Variants in CAST observed in about 807,000 individuals in gnomAD.
CAST encodes the protein MIR583 host.
CAST carries 76 observed loss-of-function variants against 119.6 expected under a neutral mutation model. The ratio of observed to expected loss-of-function variants is 0.64; its 90% confidence interval spans 0.53 to 0.77. CAST has a LOEUF of 0.77. Among genes scored for constraint, CAST ranks in the 30% least tolerant of loss-of-function variants. The probability of loss-of-function intolerance (pLI) is 0.00; values close to 1 mark genes in which losing one functional copy is unlikely to be tolerated. For synonymous variants in CAST, 319 were observed against 331.6 expected (o/e 0.96, Z 0.41); for missense variants, 953 against 946.5 (o/e 1.01, Z -0.09).
chr5:96,621,546 C>G (rs1377151396), intron 1 of CAST, among the ~76,000 whole-genome samples: 1 of 152,178 alleles, frequency 6.6e-6, no homozygotes, highest in Non-Finnish European at 1.5e-5. Flanking sequence ...GAAGGAGAAA[C>G]TGTCAGGCAC....
chr5:96,654,776 G>C (rs1301294669), intron 1 of CAST, among the ~76,000 whole-genome samples: 1 of 152,318 alleles, frequency 6.6e-6, no homozygotes, highest in South Asian at 2.1e-4. Context: ...GAGCACACAA[G>C]AAGAGAACAA....
At chr5:96,762,209 G>A (rs1401794862) in intron 24 of CAST, 65 bp from the exon 25 acceptor site, 20 of 960,240 alleles carry the variant, frequency 2.1e-5, no homozygotes, top group Non-Finnish European at 3.0e-5. Context: ...TTATAGTTAA[G>A]TGATGGCATT....
chr5:96,672,883 G>T (rs1750285386), intron 1 of CAST, among the ~76,000 whole-genome samples: 1 of 152,020 alleles, frequency 6.6e-6, no homozygotes, highest in South Asian at 2.1e-4. Flanking sequence ...AATGCTTATA[G>T]TACATAATTT....
chr5:96,408,587 T>C, the CAST span, among the ~76,000 whole-genome samples: 1 of 152,230 alleles, frequency 6.6e-6, no homozygotes, highest in African/African-American at 2.4e-5. Context: ...AATATTTTCT[T>C]TTCTGAGATT....
chr5:96,483,886 C>T, the CAST span, among the ~76,000 whole-genome samples: 2 of 152,154 alleles, frequency 1.3e-5, no homozygotes, highest in Non-Finnish European at 2.9e-5. Context: ...TGAGTCAAGA[C>T]TCACACCCTA....
chr5:96,471,010 C>T, the CAST span, among the ~76,000 whole-genome samples: 1 of 152,078 alleles, frequency 6.6e-6, no homozygotes, highest in Non-Finnish European at 1.5e-5. Flanking sequence ...GCTTTGAGGT[C>T]ATGGAGATAG....
chr5:96,124,520 G>A, the CAST span, among the ~76,000 whole-genome samples: 1 of 151,784 alleles, frequency 6.6e-6, no homozygotes, highest in African/African-American at 2.4e-5. Context: ...CAACTATATG[G>A]TTGACTCAGA....
the CAST span, among the ~76,000 whole-genome samples, chr5:96,186,752 C>T: frequency 6.6e-6 from 1 of 152,224 alleles, no homozygotes; most frequent in African/African-American, 2.4e-5. Flanking sequence ...TTTGGTTTGC[C>T]AGTATTCGTT....
intron 3 of CAST, among the ~76,000 whole-genome samples, chr5:96,706,414 A>G (rs1264447843): frequency 1.3e-5 from 2 of 152,230 alleles, no homozygotes; most frequent in African/African-American, 4.8e-5. Context: ...AAAAAGTGTT[A>G]AATGGCAGTG....
At chr5:96,580,347 A>T (rs1352917702) in intron 1 of CAST, among the ~76,000 whole-genome samples, 1 of 152,252 alleles carries the variant, frequency 6.6e-6, no homozygotes, top group Non-Finnish European at 1.5e-5. Context: ...GCATTTAGGG[A>T]CAAAATGTTC....
At chr5:96,385,127 C>G in the CAST span, among the ~76,000 whole-genome samples, 1 of 152,110 alleles carries the variant, frequency 6.6e-6, no homozygotes, top group Non-Finnish European at 1.5e-5. Flanking sequence ...TCTTAGCATC[C>G]CTGGGGATGA....
At chr5:96,749,528 GTTC>G (rs1457088487) in intron 19 of CAST, among the ~76,000 whole-genome samples, 3 of 152,000 alleles carry the variant, frequency 2.0e-5, no homozygotes, top group African/African-American at 7.2e-5. Flanking sequence ...GTTTGCTTCT[GTTC>G]TTTTTGTTTG....
At chr5:96,179,880 C>G in the CAST span, among the ~76,000 whole-genome samples, 1 of 151,880 alleles carries the variant, frequency 6.6e-6, no homozygotes, top group Admixed American at 6.6e-5. Context: ...ACTAAAAATA[C>G]AAAAAAATTA....
chr5:95,991,212 T>G, the CAST span, among the ~76,000 whole-genome samples: 4 of 152,202 alleles, frequency 2.6e-5, no homozygotes, highest in South Asian at 4.1e-4. Context: ...GATTTGAAAT[T>G]TTAACCAAGT....
chr5:96,736,293 A>G, intron 10 of CAST, 53 bp downstream of exon 10: 2 of 1,098,130 alleles, frequency 1.8e-6, no homozygotes, highest in Admixed American at 2.1e-5. Context: ...TATGCTCTGT[A>G]TTTATCATAA....
the CAST span, among the ~76,000 whole-genome samples, chr5:96,450,231 G>T: frequency 6.6e-6 from 1 of 152,144 alleles, no homozygotes. Context: ...TCTGGAGATA[G>T]ATATATACAT....
At position 96,730,830 on chromosome 5, in the gene CAST, C is replaced by T; in HGVS notation, c.600C>T (p.Ile200=). 1.2e-6 allele frequency: 2 copies of T among 1,613,800 alleles called. No homozygotes were observed. Among genetic ancestry groups the T allele is most frequent in the Non-Finnish European group, 1.7e-6 (2 of 1,179,716 alleles). ...CTGGTGGAGAGAGTGTTGCTGGTAT[C>T]ACTGCAATATCTGGCAAGCCGGGTG... ...ISAGGESVAG[I]TAISGKPGDK... is the part of the protein sequence containing the mutation. Residue 200 remains isoleucine (I), a synonymous_variant, in exon 9 of 32, where the codon ATC becomes ATT. Transcript: ENST00000675179.
At chr5:96,034,675 A>G in the CAST span, among the ~76,000 whole-genome samples, 1 of 151,710 alleles carries the variant, frequency 6.6e-6, no homozygotes, top group Non-Finnish European at 1.5e-5. Context: ...ATATACTGTT[A>G]ACAATAGTCA....
the CAST span, among the ~76,000 whole-genome samples, chr5:96,081,515 T>C: frequency 6.6e-6 from 1 of 152,128 alleles, no homozygotes; most frequent in South Asian, 2.1e-4. Flanking sequence ...AACAGAATGA[T>C]CCCATGTACC....
Sources: gnomAD v4.1 joint callset for allele counts (sites outside exome capture counted in the v4.1 genomes callset) on GRCh38, gnomAD v4.1.1 for gene constraint, MANE v1.5 for transcripts, NCBI Gene and HGNC (gene_info 2026-07-23, HGNC 2026-07-21) for gene names.